NGB: variants seen among roughly 807,000 people sequenced by gnomAD.
NGB encodes neuroglobin, also known as nitrite reductase.
NGB carries 12 observed loss-of-function variants against 17.3 expected under a neutral mutation model. The observed-to-expected ratio is 0.69, with a 90% CI of 0.45 to 1.13. NGB has a LOEUF of 1.13. Ranked by LOEUF, NGB falls within the 50% of genes most tolerant of loss-of-function variation. NGB has a pLI of 0.00. For synonymous variants in NGB, 87 were observed against 81.0 expected (o/e 1.07, Z -0.40); for missense variants, 195 against 191.7 (o/e 1.02, Z -0.10).
Position 77,269,319 on chromosome 14 carries a change from C to A in NGB, c.97G>T (p.Ala33Ser). The A allele has an allele frequency of 1.3e-6, 2 of 1,550,206 alleles. No homozygotes were observed. Among genetic ancestry groups the A allele is most frequent in the South Asian group, 1.2e-5 (1 of 84,022 alleles). The change falls in exon 2 of 4, where the codon GCC becomes TCC. Residue 33 changes from alanine (A) to serine (S), a missense_variant. Ala to Ser is a moderately conservative substitution (Grantham distance 99). Coordinates refer to ENST00000298352, the MANE Select transcript of NGB (RefSeq NM_021257.4). ...HGTVLFARLF[A>S]LEPDLLPLFQ... ...AGGGGCAGCAGGTCAGGCTCCAGGG[C>A]AAACAGCCTGTGGGAGTGAGGCCCA...
Position 77,268,533 on chromosome 14 carries a change from A to G in NGB, c.254T>C (p.Leu85Pro). The change falls in exon 3 of 4, where the codon CTG becomes CCG. Residue 85 changes from leucine to proline, a missense_variant. Transcript: ENST00000298352. ...GCCCAGGCTGGCAAGGTACTCCTCC[A>G]GTGAGGACAGGTCTTCCACATTGGT... is the stretch of plus-strand genomic sequence containing the variant. ...AVTNVEDLSS[L>P]EEYLASLGRK... 6.2e-7 allele frequency: 1 copy of G among 1,613,918 alleles called. No individual in the cohort carries two copies. The highest frequency in any genetic ancestry group is 8.5e-7 in the Non-Finnish European group (1 of 1,179,996).
chr14:77,271,024 G>T lies in NGB; in HGVS notation c.-87C>A, dbSNP rs1889770046. Reference sequence around the variant, plus strand: ...CGTGCCGCGCCATCTCCTCCGCGACGCGGTCCCCTCCGCCCCTCGTACGCC... The same window carrying T: ...CGTGCCGCGCCATCTCCTCCGCGACTCGGTCCCCTCCGCCCCTCGTACGCC... On this transcript the variant is annotated 5_prime_UTR_variant, in exon 1 of 4. Coordinates refer to ENST00000298352, the MANE Select transcript of NGB (RefSeq NM_021257.4). The T allele has an allele frequency of 9.0e-6, 9 of 1,004,794 alleles. No individual in the cohort carries two copies. The highest frequency in any genetic ancestry group is 1.1e-5 in the Non-Finnish European group (8 of 717,424). 62.2% of individuals were successfully genotyped at this position (1,004,794 alleles called of 1,614,324 possible).
chr14:77,270,963 G>A lies in NGB; in HGVS notation c.-26C>T, dbSNP rs10140032. On this transcript the variant is annotated 5_prime_UTR_variant, in exon 1 of 4. Coordinates refer to ENST00000298352, the MANE Select transcript of NGB (RefSeq NM_021257.4). ...GCTGTCCCGGGGACGCGGAGCGCGG[G>A]GCTGGGACCCTCAGGGCTCGGGTGC... 392 of 1,497,378 alleles carry A rather than the reference G, an allele frequency of 2.6e-4. 1 individual carries two copies. The African/African-American group carries it at 5.0e-3, about 19-fold the overall frequency. 92.8% of individuals were successfully genotyped at this position (1,497,378 alleles called of 1,614,324 possible).
intron 1 of NGB, among the ~76,000 whole-genome samples, chr14:77,270,475 G>T (rs1889756702): frequency 6.6e-6 from 1 of 152,220 alleles, no homozygotes; most frequent in Non-Finnish European, 1.5e-5. Context: ...TACCGGCAGC[G>T]GGGTGCACCC....
chr14:77,269,176 TGGA>T lies in NGB; in HGVS notation c.201+36_201+38del, dbSNP rs1889715524. On this transcript the variant is annotated intron_variant, in intron 2 of 3. Coordinates refer to ENST00000298352, the MANE Select transcript of NGB (RefSeq NM_021257.4). The stretch of plus-strand genomic sequence containing the variant: ...ATTCTCCACCAGGGAGGTGCTCTGC[TGGA>T]TCCCAGAGGTCACAGCAGCTCTGCC... 4 of 1,325,832 alleles carry T rather than the reference TGGA, an allele frequency of 3.0e-6. No individual in the cohort carries two copies. The East Asian group carries it at 1.0e-4, about 33-fold the overall frequency. 82.1% of individuals were successfully genotyped at this position (1,325,832 alleles called of 1,614,324 possible). A position where few individuals can be genotyped will look rare whatever the true frequency, so the allele number is the denominator to read the frequency against.
chr14:77,266,211 CCTCCATACCTTTCCAG>C lies in NGB; in HGVS notation c.*309_*324del. 1.7e-6 allele frequency: 1 copy of C among 580,306 alleles called. No homozygotes were observed. The highest frequency in any genetic ancestry group is 3.4e-6 in the Non-Finnish European group (1 of 292,364). 35.9% of individuals were successfully genotyped at this position (580,306 alleles called of 1,614,324 possible). ...GACAGAAGAGCCCCATCCTCTCCCA[CCTCCATACCTTTCCAG>C]CTCATCCCACCTCTGCCACCAAAAC... On this transcript the variant is annotated 3_prime_UTR_variant, in exon 4 of 4. Transcript: ENST00000298352.
chr14:77,268,337 G>A, intron 3 of NGB, 129 bp downstream of exon 3: 1 of 951,790 alleles, frequency 1.1e-6, no homozygotes, highest in African/African-American at 1.6e-5. Flanking sequence ...GGTAACAGAT[G>A]CAGGCCCGCA....
rs1362804672 is a variant in NGB, at chr14:77,270,927, G to T, written c.11C>A (p.Pro4Gln). 2.6e-6 allele frequency: 4 copies of T among 1,556,474 alleles called. No homozygotes were observed. Among genetic ancestry groups the T allele is most frequent in the Non-Finnish European group, 3.5e-6 (4 of 1,157,660 alleles). ...GCTCTGCCGGATCAGCTCGGGCTCC[G>T]GGCGCTCCATGCTGTCCCGGGGACG... is the stretch of plus-strand genomic sequence containing the variant. MER[P>Q]EPELIRQSWR... is the part of the protein sequence containing the mutation. The change falls in exon 1 of 4, where the codon CCG (proline) becomes CAG (glutamine). Residue 4 changes from proline (P) to glutamine (Q), a missense_variant. Coordinates refer to ENST00000298352, the MANE Select transcript of NGB (RefSeq NM_021257.4).
Position 77,266,396 on chromosome 14 carries a change from C to A in NGB, c.*140G>T. ...AGCTGGACTCTAGGATACTGAGACC[C>A]AGCCCTGCCCCATCACCTCTCCAGT... On this transcript the variant is annotated 3_prime_UTR_variant, in exon 4 of 4. Transcript: ENST00000298352. The A allele has an allele frequency of 1.7e-6, 2 of 1,202,764 alleles. No homozygotes were observed. The highest frequency in any genetic ancestry group is 1.5e-5 in the African/African-American group (1 of 67,128). The allele number at this position is 1,202,764 out of a possible 1,614,324, so 74.5% of individuals were successfully genotyped here.
At position 77,270,931 on chromosome 14, in the gene NGB, G is replaced by A. The variant is rs1414222388; in HGVS notation, c.7C>T (p.Arg3Cys). Residue 3 changes from arginine to cysteine, a missense_variant, in exon 1 of 4, where the codon CGC becomes TGC. Arg to Cys is a radical substitution (Grantham distance 180). Transcript: ENST00000298352. Reference sequence around the variant, plus strand: ...TGCCGGATCAGCTCGGGCTCCGGGCGCTCCATGCTGTCCCGGGGACGCGGA... The same window carrying A: ...TGCCGGATCAGCTCGGGCTCCGGGCACTCCATGCTGTCCCGGGGACGCGGA... ME[R>C]PEPELIRQSW... 1 of 1,551,032 alleles carries A rather than the reference G, an allele frequency of 6.4e-7. No individual in the cohort carries two copies. Among genetic ancestry groups the A allele is most frequent in the South Asian group, 1.2e-5 (1 of 85,536 alleles).
chr14:77,270,010 G>C (rs1889746859), intron 1 of NGB, among the ~76,000 whole-genome samples: 1 of 150,712 alleles, frequency 6.6e-6, no homozygotes, highest in African/African-American at 2.5e-5. Context: ...AAGTGAGCTG[G>C]GGGGAGTCCG....
At position 77,268,456 on chromosome 14, in the gene NGB, C is replaced by G; in HGVS notation, c.321+10G>C. 6.2e-7 allele frequency: 1 copy of G among 1,610,474 alleles called. No individual in the cohort carries two copies. The highest frequency in any genetic ancestry group is 8.5e-7 in the Non-Finnish European group (1 of 1,179,892). On this transcript the variant is annotated intron_variant, in intron 3 of 3. Coordinates refer to ENST00000298352, the MANE Select transcript of NGB (RefSeq NM_021257.4). ...GGAGCTCTGGAGAGAGTCAGAGCTC[C>G]TTTACCCACCGAGAAGGAGCTGAGC...
In NGB at chr14:77,268,541, C is replaced by T; in HGVS notation, c.246G>A (p.Leu82=). The T allele has an allele frequency of 1.2e-6, 2 of 1,613,960 alleles. No individual in the cohort carries two copies. The highest frequency in any genetic ancestry group is 8.5e-7 in the Non-Finnish European group (1 of 1,180,000). The part of the protein sequence containing the change: ...IDAAVTNVED[L]SSLEEYLASL... ...TGGCAAGGTACTCCTCCAGTGAGGA[C>T]AGGTCTTCCACATTGGTCACTGCAG... The change falls in exon 3 of 4, where the codon CTG becomes CTA. Residue 82 remains leucine (L), a synonymous_variant. Transcript: ENST00000298352.
rs775492814 is a variant in NGB, at chr14:77,266,575, G to T, written c.417C>A (p.Ala139=). 27 of 1,614,010 alleles carry T rather than the reference G, an allele frequency of 1.7e-5. No individual in the cohort carries two copies. The highest frequency in any genetic ancestry group is 2.3e-5 in the Non-Finnish European group (27 of 1,180,036). The change falls in exon 4 of 4, where the codon GCC becomes GCA. Residue 139 remains alanine (A), a synonymous_variant. Transcript: ENST00000298352. The part of the protein sequence containing the change: ...TRAAWSQLYG[A]VVQAMSRGWD... The stretch of plus-strand genomic sequence containing the variant: ...AGCCTCGACTCATGGCCTGCACTAC[G>T]GCCCCGTAGAGTTGGCTCCAGGCAG...
rs144196475 is a variant in NGB at position 77,269,236 on chromosome 14, C to T, written c.180G>A (p.Glu60=). The change falls in exon 2 of 4, where the codon GAG becomes GAA. Residue 60 remains glutamate, a synonymous_variant. Coordinates refer to ENST00000298352, the MANE Select transcript of NGB (RefSeq NM_021257.4). ...TCACCTTCCTGATGTGGTCCAGGAA[C>T]TCAGGCGAGGAGAGACAGTCCTCTG... The part of the protein sequence containing the change: ...SSPEDCLSSP[E]FLDHIRKVML... The T allele has an allele frequency of 1.6e-3, 2,460 of 1,551,206 alleles. 3 individuals carry two copies. The highest frequency in any genetic ancestry group is 2.0e-3 in the Non-Finnish European group (2,260 of 1,146,504).
chr14:77,266,553 C>T lies in NGB; in HGVS notation c.439G>A (p.Gly147Ser). Reference protein sequence around the residue: ...YGAVVQAMSRGWDGE With the variant: ...YGAVVQAMSRSWDGE ...GTCGCCTCTTACTCGCCATCCCAGC[C>T]TCGACTCATGGCCTGCACTACGGCC... The change falls in exon 4 of 4, where the codon GGC (glycine) becomes AGC (serine). Residue 147 changes from glycine (G) to serine (S), a missense_variant. Gly to Ser is a moderately conservative substitution (Grantham distance 56). Transcript: ENST00000298352. 1 of 1,613,540 alleles carries T rather than the reference C, an allele frequency of 6.2e-7. No homozygotes were observed. Among genetic ancestry groups the T allele is most frequent in the Non-Finnish European group, 8.5e-7 (1 of 1,179,760 alleles).
chr14:77,268,394 A>G, intron 3 of NGB, 72 bp downstream of exon 3: 1 of 1,527,146 alleles, frequency 6.5e-7, no homozygotes, highest in East Asian at 2.3e-5. Context: ...AACAGGTGGC[A>G]AGGGGAGGTC....
Position 77,270,929 on chromosome 14 carries a change from G to A in NGB, c.9C>T (p.Arg3=), listed in dbSNP as rs375726021. ME[R]PEPELIRQSW... is the part of the protein sequence containing the mutation. The stretch of plus-strand genomic sequence containing the variant: ...TCTGCCGGATCAGCTCGGGCTCCGG[G>A]CGCTCCATGCTGTCCCGGGGACGCG... Residue 3 remains arginine (R), a synonymous_variant, in exon 1 of 4, where the codon CGC becomes CGT. Coordinates refer to ENST00000298352, the MANE Select transcript of NGB (RefSeq NM_021257.4). 27 of 1,553,398 alleles carry A rather than the reference G, an allele frequency of 1.7e-5. No homozygotes were observed. Among genetic ancestry groups the A allele is most frequent in the Admixed American group, 3.6e-5 (2 of 55,682 alleles).
chr14:77,269,664 C>CTAGCGCT (rs1889726147), intron 1 of NGB, among the ~76,000 whole-genome samples: 1 of 135,706 alleles, frequency 7.4e-6, no homozygotes, highest in African/African-American at 2.8e-5. Flanking sequence ...GAGAGGAAAG[C>CTAGCGCT]CCTTTCTCTC....
Sources: gnomAD v4.1 joint callset for allele counts (sites outside exome capture counted in the v4.1 genomes callset) on GRCh38, gnomAD v4.1.1 for gene constraint, MANE v1.5 for transcripts, NCBI Gene and HGNC (gene_info 2026-07-23, HGNC 2026-07-21) for gene names.